CDC42BPB: variants seen among roughly 807,000 people sequenced by gnomAD.
CDC42BPB encodes the protein serine/threonine-protein kinase MRCK beta.
A neutral mutation model predicts 214.9 loss-of-function variants in CDC42BPB; 37 were observed. That is an observed-to-expected ratio of 0.17 (90% CI 0.13 to 0.23). CDC42BPB has a LOEUF of 0.23. Ranked by LOEUF, CDC42BPB falls within the 10% of genes least tolerant of loss-of-function variation. The probability of loss-of-function intolerance (pLI) is 1.00; values close to 1 mark genes in which losing one functional copy is unlikely to be tolerated. For missense variants in CDC42BPB, 1,694 were observed against 2,227.0 expected (o/e 0.76, Z 4.82); for synonymous variants, 931 against 884.0 (o/e 1.05, Z -0.94).
chr14:102,958,718 C>T (rs1212658765), intron 21 of CDC42BPB, among the ~76,000 whole-genome samples: 1 of 152,156 alleles, frequency 6.6e-6, no homozygotes, highest in Non-Finnish European at 1.5e-5. Flanking sequence ...TTGTGAGGGT[C>T]TCGGCAAGGC....
chr14:102,964,175 T>C (rs1413154961), intron 19 of CDC42BPB, among the ~76,000 whole-genome samples: 1 of 152,232 alleles, frequency 6.6e-6, no homozygotes, highest in Non-Finnish European at 1.5e-5. Flanking sequence ...GACTAAGCAG[T>C]GAGAGGGGCT....
At chr14:102,985,903 G>A (rs997130671) in intron 6 of CDC42BPB, among the ~76,000 whole-genome samples, 2 of 152,248 alleles carry the variant, frequency 1.3e-5, no homozygotes, top group African/African-American at 4.8e-5. Flanking sequence ...GTCTGACTGC[G>A]GGGTGGAGAC....
intron 18 of CDC42BPB, among the ~76,000 whole-genome samples, chr14:102,964,986 C>T (rs1309189801): frequency 1.3e-5 from 2 of 151,412 alleles, no homozygotes; most frequent in African/African-American, 2.4e-5. Context: ...AGTGCAATGG[C>T]GTGATCTCAG....
intron 20 of CDC42BPB, among the ~76,000 whole-genome samples, chr14:102,961,601 G>A (rs894595184): frequency 8.1e-5 from 12 of 148,498 alleles, no homozygotes; most frequent in African/African-American, 2.8e-4. Context: ...GTGCAATCTC[G>A]GCTCACCGCA....
rs1894988529 is a variant in CDC42BPB, at chr14:103,001,643, G to A, written c.448-1930C>T. On this transcript the variant is annotated intron_variant, in intron 4 of 36. Transcript: ENST00000361246. This position sits in a 1 kb window ranked among gnomAD's most constrained non-coding sequence, Gnocchi z 5.8. ...CAGGCACCGAGGTGCCACTGCGTGT[G>A]GAGGGCGATGCAGAGGGGGCGGTGG... Among the ~76,000 whole-genome samples, 1 of 152,202 alleles carries A rather than the reference G, an allele frequency of 6.6e-6. No individual in the cohort carries two copies.
At chr14:103,022,401 C>T (rs1001861036) in intron 1 of CDC42BPB, among the ~76,000 whole-genome samples, 6 of 152,096 alleles carry the variant, frequency 3.9e-5, no homozygotes, top group African/African-American at 4.8e-5. Flanking sequence ...TTCACTCTGT[C>T]GGCAGCCTGG....
rs1161403512 is a variant in CDC42BPB, at chr14:102,967,069, A to G, written c.2448T>C (p.Ala816=). ...AKKESVAHWE[A]QIAEIIQWVS... ...ACCACTGAATGATTTCCGCAATCTG[A>G]GCTTCCCAGTGGGCCACTGACTCCT... Residue 816 remains alanine (A), a synonymous_variant, in exon 17 of 37, where the codon GCT becomes GCC. Transcript: ENST00000361246. The G allele has an allele frequency of 1.9e-6, 3 of 1,613,974 alleles. No individual in the cohort carries two copies. The highest frequency in any genetic ancestry group is 1.3e-5 in the African/African-American group (1 of 74,918).
intron 30 of CDC42BPB, chr14:102,940,555 A>G: frequency 3.4e-6 from 4 of 1,163,716 alleles, no homozygotes; most frequent in Admixed American, 2.9e-5. Context: ...TCCGTAACTA[A>G]TATTTTGAAT....
intron 1 of CDC42BPB, among the ~76,000 whole-genome samples, chr14:103,051,502 G>A (rs2139785926): frequency 6.7e-6 from 1 of 149,608 alleles, no homozygotes; most frequent in South Asian, 2.1e-4. Context: ...AATATAGTTT[G>A]GAATTAACAG....
chr14:103,023,044 C>G (rs1032490446), intron 1 of CDC42BPB, among the ~76,000 whole-genome samples: 4 of 151,838 alleles, frequency 2.6e-5, no homozygotes, highest in African/African-American at 9.7e-5. Flanking sequence ...CAGGGTCCCC[C>G]AGGCTGGAGA....
chr14:103,038,135 G>C (rs978664203), intron 1 of CDC42BPB, among the ~76,000 whole-genome samples: 2 of 151,690 alleles, frequency 1.3e-5, no homozygotes, highest in East Asian at 1.9e-4. Flanking sequence ...GAGAGATCAA[G>C]ACCATCCTGG....
chr14:102,997,359 A>G (rs1208524826), intron 5 of CDC42BPB, among the ~76,000 whole-genome samples: 1 of 151,668 alleles, frequency 6.6e-6, no homozygotes, highest in Non-Finnish European at 1.5e-5. Context: ...ATTTCAAAAA[A>G]CTCTCTCATA....
intron 5 of CDC42BPB, among the ~76,000 whole-genome samples, chr14:102,997,688 CT>C (rs1189594024): frequency 1.3e-5 from 2 of 152,182 alleles, no homozygotes; most frequent in Admixed American, 1.3e-4. Flanking sequence ...CAAAGAAAAG[CT>C]AATAAAAAGC....
At chr14:102,950,144 G>A in intron 25 of CDC42BPB, 1 of 967,604 alleles carries the variant, frequency 1.0e-6, no homozygotes, top group Non-Finnish European at 1.2e-6. Context: ...GCAGGGTGCT[G>A]TGGTACACGC....
chr14:102,945,090 C>T (rs1336010033), intron 29 of CDC42BPB: 7 of 362,314 alleles, frequency 1.9e-5, no homozygotes, highest in East Asian at 7.9e-5. Context: ...GGTACGGCCT[C>T]GCCCAGCGGC....
chr14:102,949,524 C>T (rs941259375), intron 26 of CDC42BPB, among the ~76,000 whole-genome samples: 1 of 152,118 alleles, frequency 6.6e-6, no homozygotes, highest in Non-Finnish European at 1.5e-5. Context: ...CAAACACATG[C>T]GAGGCAGGAA....
chr14:102,981,242 G>A (rs543002446), intron 7 of CDC42BPB: 30 of 929,528 alleles, frequency 3.2e-5, no homozygotes, highest in Non-Finnish European at 3.9e-5. Context: ...TGACCACACT[G>A]CATGTAAATG....
chr14:103,042,007 C>T, intron 1 of CDC42BPB: 1 of 298,958 alleles, frequency 3.3e-6, no homozygotes, highest in African/African-American at 2.3e-5. Context: ...CGCTAGTCTC[C>T]ACATGGTCCA....
intron 16 of CDC42BPB, among the ~76,000 whole-genome samples, chr14:102,967,771 C>T (rs887956902): frequency 1.3e-5 from 2 of 152,178 alleles, no homozygotes; most frequent in South Asian, 2.1e-4. Flanking sequence ...ATGGAAGCAT[C>T]GTTATATGGC....
Sources: allele counts gnomAD v4.1 joint callset (sites outside exome capture counted in the v4.1 genomes callset), GRCh38; gene constraint gnomAD v4.1.1; non-coding constraint Gnocchi (gnomAD v3.1); transcripts MANE v1.5; gene names NCBI Gene and HGNC (gene_info 2026-07-23, HGNC 2026-07-21).